MAML3: variants seen among roughly 807,000 people sequenced by gnomAD.
MAML3 encodes mastermind like transcriptional coactivator 3.
MAML3 carries 27 observed loss-of-function variants against 101.9 expected under a neutral mutation model. That is an observed-to-expected ratio of 0.27 (90% CI 0.20 to 0.37). MAML3 has a LOEUF of 0.37. MAML3 is among the 10% of genes least tolerant of loss of function. The pLI is 1.00. For synonymous variants in MAML3, 501 were observed against 555.9 expected, an observed-to-expected ratio of 0.90 and a Z score of 1.39; for missense variants, 1,316 against 1,444.9, an observed-to-expected ratio of 0.91 and a Z score of 1.45.
At chr4:139,930,641 CAT>C (rs1733371098) in intron 1 of MAML3, among the ~76,000 whole-genome samples, 1 of 152,186 alleles carries the variant, frequency 6.6e-6, no homozygotes, top group African/African-American at 2.4e-5. Flanking sequence ...CTTCTACCCA[CAT>C]GTGCTGTCCC....
chr4:140,131,562 G>A (rs1327028947), intron 1 of MAML3, among the ~76,000 whole-genome samples: 1 of 152,210 alleles, frequency 6.6e-6, no homozygotes, highest in Non-Finnish European at 1.5e-5. Context: ...TAAGAAAAGT[G>A]GAGTAACTTT....
chr4:139,981,213 A>C (rs192812265), intron 1 of MAML3, among the ~76,000 whole-genome samples: 81 of 152,266 alleles, frequency 5.3e-4, no homozygotes, highest in Middle Eastern at 3.4e-3. Flanking sequence ...GCCTCTTCAC[A>C]TGGCCATCTC....
intron 1 of MAML3, among the ~76,000 whole-genome samples, chr4:140,127,520 C>G (rs1298944768): frequency 6.6e-6 from 1 of 152,322 alleles, no homozygotes; most frequent in Non-Finnish European, 1.5e-5. Flanking sequence ...AGAGAGCCAG[C>G]AAAAGCTCGA....
At chr4:139,815,139 C>T (rs768156841) in intron 2 of MAML3, among the ~76,000 whole-genome samples, 50 of 152,158 alleles carry the variant, frequency 3.3e-4, no homozygotes, top group Non-Finnish European at 5.1e-4. Flanking sequence ...CTAGAAAGCC[C>T]GACTTATGAA....
intron 1 of MAML3, among the ~76,000 whole-genome samples, chr4:140,108,162 C>T (rs1412665169): frequency 6.6e-6 from 1 of 152,086 alleles, no homozygotes; most frequent in African/African-American, 2.4e-5. Flanking sequence ...TGCAAACATA[C>T]ACATGTGGGC....
chr4:140,021,641 C>T (rs1726735551), intron 1 of MAML3, among the ~76,000 whole-genome samples: 2 of 152,142 alleles, frequency 1.3e-5, no homozygotes, highest in African/African-American at 4.8e-5. Flanking sequence ...CTCTCTGATT[C>T]CTTTTTCTCC....
intron 1 of MAML3, chr4:140,134,467 A>G (rs1280517409): frequency 1.1e-5 from 5 of 442,468 alleles, no homozygotes; most frequent in East Asian, 7.0e-5. Flanking sequence ...AGATTTGTAA[A>G]CAGATCTATT....
At chr4:140,152,115 C>T (rs935051457) in intron 1 of MAML3, among the ~76,000 whole-genome samples, 1 of 152,142 alleles carries the variant, frequency 6.6e-6, no homozygotes, top group Non-Finnish European at 1.5e-5. Context: ...CCCCTCTTAA[C>T]CCTCCCAGCC....
At chr4:139,762,686 T>C (rs1359942304) in intron 2 of MAML3, among the ~76,000 whole-genome samples, 1 of 152,152 alleles carries the variant, frequency 6.6e-6, no homozygotes, top group African/African-American at 2.4e-5. Flanking sequence ...AGTATGCAAG[T>C]GTCACATGAG....
intron 2 of MAML3, among the ~76,000 whole-genome samples, chr4:139,822,322 GGA>G: frequency 6.8e-6 from 1 of 146,638 alleles, no homozygotes; most frequent in East Asian, 2.2e-4. Context: ...TAGAGGCCAT[GGA>G]GACAATGGCT....
chr4:139,988,403 A>T (rs1335361782), intron 1 of MAML3, among the ~76,000 whole-genome samples: 1 of 152,034 alleles, frequency 6.6e-6, no homozygotes, highest in Admixed American at 6.5e-5. Flanking sequence ...TAGGCTTAAC[A>T]ATAATGGGAA....
At chr4:140,092,453 A>G (rs189245353) in intron 1 of MAML3, among the ~76,000 whole-genome samples, 52 of 152,212 alleles carry the variant, frequency 3.4e-4, no homozygotes, top group African/African-American at 1.0e-3. Flanking sequence ...TTAACCGAGA[A>G]GCCCTCCTCC....
At chr4:140,070,199 G>T (rs1304883970) in intron 1 of MAML3, among the ~76,000 whole-genome samples, 1 of 152,088 alleles carries the variant, frequency 6.6e-6, no homozygotes, top group Non-Finnish European at 1.5e-5. Context: ...ACACTGTCTT[G>T]GTCACCACTG....
At chr4:139,959,976 GAC>G (rs1733982574) in intron 1 of MAML3, among the ~76,000 whole-genome samples, 1 of 152,146 alleles carries the variant, frequency 6.6e-6, no homozygotes, top group Admixed American at 6.5e-5. Context: ...GCATGTCATA[GAC>G]ACAGACAAAT....
intron 2 of MAML3, among the ~76,000 whole-genome samples, chr4:139,865,485 G>GTTTT (rs67288115): frequency 1.1e-5 from 1 of 90,082 alleles, no homozygotes; most frequent in Non-Finnish European, 2.1e-5. Flanking sequence ...TCTGTAAAAG[G>GTTTT]TTTTTTTTTT....
chr4:140,107,060 A>G (rs1228977276), intron 1 of MAML3, among the ~76,000 whole-genome samples: 3 of 152,136 alleles, frequency 2.0e-5, no homozygotes, highest in East Asian at 1.9e-4. Context: ...TAGTAGAGAC[A>G]GGGTTTCACC....
At chr4:139,860,731 C>A (rs765974108) in intron 2 of MAML3, among the ~76,000 whole-genome samples, 2 of 152,044 alleles carry the variant, frequency 1.3e-5, no homozygotes, top group African/African-American at 4.8e-5. Context: ...TATACATATA[C>A]CTATGTATAC....
At chr4:139,806,034 A>G (rs1224700838) in intron 2 of MAML3, among the ~76,000 whole-genome samples, 2 of 152,188 alleles carry the variant, frequency 1.3e-5, no homozygotes, top group African/African-American at 4.8e-5. Context: ...TGAAGAGCAT[A>G]TAATTAAATG....
chr4:140,091,933 G>C (rs1433801962), intron 1 of MAML3, among the ~76,000 whole-genome samples: 1 of 151,856 alleles, frequency 6.6e-6, no homozygotes, highest in Non-Finnish European at 1.5e-5. Context: ...GCAGGCCATA[G>C]TTTTATTTAT....
Sources: gnomAD v4.1 joint callset for allele counts (sites outside exome capture counted in the v4.1 genomes callset) on GRCh38, gnomAD v4.1.1 for gene constraint, MANE v1.5 for transcripts, NCBI Gene and HGNC (gene_info 2026-07-23, HGNC 2026-07-21) for gene names.